The following MUC17 variants were observed in gnomAD, a reference collection of about 807,000 sequenced individuals.
MUC17 encodes the protein mucin 17, cell surface associated.
In MUC17, 190 loss-of-function variants were observed where a neutral mutation model predicts 170.3. The observed-to-expected ratio is 1.12, with a 90% CI of 0.99 to 1.26. The LOEUF (loss-of-function observed/expected upper bound fraction) is 1.26, where lower values mean the gene tolerates loss of function less well. Ranked by LOEUF, MUC17 falls within the 50% of genes most tolerant of loss-of-function variation. MUC17 has a pLI of 0.00. For missense variants in MUC17, 6,415 were observed against 5,530.0 expected (o/e 1.16, Z -5.08); for synonymous variants, 2,325 against 2,002.5 (o/e 1.16, Z -4.30).
rs1289747412 is a variant in MUC17, at chr7:101,048,907, AC to A, written c.12600del (p.Glu4201LysfsTer3). 6.2e-7 allele frequency: 1 copy of A among 1,614,100 alleles called. No homozygotes were observed. Among genetic ancestry groups the A allele is most frequent in the South Asian group, 1.1e-5 (1 of 91,060 alleles). On this transcript the variant is annotated frameshift_variant, in exon 5 of 13. Transcript: ENST00000306151. LOFTEE classifies it high-confidence loss of function. ...LTVTVTSVKF[T>X]EELKNHSSQE... ...TGTGACAGTGACCAGTGTGAAGTTC[AC>A]CGAAGAGCTAAAAAACCACTCTTCC...
At chr7:101,021,695 C>T (rs1794085558) in intron 1 of MUC17, among the ~76,000 whole-genome samples, 1 of 152,188 alleles carries the variant, frequency 6.6e-6, no homozygotes, top group African/African-American at 2.4e-5. Context: ...TTCCTACTCT[C>T]CAGGATTCTG....
At position 101,051,853 on chromosome 7, in the gene MUC17, T is replaced by C; in HGVS notation, c.12994T>C (p.Tyr4332His). ...KEYGDYFVVEYRDQKPYCISP... is the reference protein window; with the variant it reads ...KEYGDYFVVEHRDQKPYCISP... ...ATATGGAGACTACTTCGTAGTGGAG[T>C]ACCGGGACCAGAAGCCATACTGCAT... Residue 4332 changes from tyrosine (Y) to histidine (H), a missense_variant, in exon 9 of 13, where the codon TAC becomes CAC. Coordinates refer to ENST00000306151, the MANE Select transcript of MUC17 (RefSeq NM_001040105.2). 6.2e-7 allele frequency: 1 copy of C among 1,614,086 alleles called. No homozygotes were observed. The highest frequency in any genetic ancestry group is 8.5e-7 in the Non-Finnish European group (1 of 1,179,990).
Position 101,036,176 on chromosome 7 carries a change from G to C in MUC17, c.4760G>C (p.Ser1587Thr), listed in dbSNP as rs777801768. ...CCTGTCAGCACCATGCTGGTGGTCA[G>C]TTCTGAGGCTAACACCCTTTCAACA... is the stretch of plus-strand genomic sequence containing the variant. ...SLPVSTMLVV[S>T]SEANTLSTTP... Residue 1587 changes from serine (S) to threonine (T), a missense_variant, in exon 3 of 13, where the codon AGT (serine) becomes ACT (threonine). Coordinates refer to ENST00000306151, the MANE Select transcript of MUC17 (RefSeq NM_001040105.2). 2.5e-6 allele frequency: 4 copies of C among 1,613,936 alleles called. No homozygotes were observed. The highest frequency in any genetic ancestry group is 1.6e-4 in the Middle Eastern group (1 of 6,062).
Position 101,039,714 on chromosome 7 carries a change from T to A in MUC17, c.8298T>A (p.Ser2766=). The A allele has an allele frequency of 6.2e-7, 1 of 1,613,382 alleles. No individual in the cohort carries two copies. The highest frequency in any genetic ancestry group is 8.5e-7 in the Non-Finnish European group (1 of 1,179,646). The part of the protein sequence containing the change: ...ILVSTLPVAS[S]EASTVSTTAV... ...TCAGCACCCTGCCAGTGGCCAGTTC[T>A]GAGGCTAGCACCGTTTCAACAACTG... is the stretch of plus-strand genomic sequence containing the variant. The change falls in exon 3 of 13, where the codon TCT becomes TCA. Residue 2766 remains serine, a synonymous_variant. Transcript: ENST00000306151.
chr7:101,053,904 T>TAAAAAA (rs1795002648), intron 11 of MUC17, among the ~76,000 whole-genome samples: 1 of 127,904 alleles, frequency 7.8e-6, no homozygotes, highest in Non-Finnish European at 1.7e-5. Flanking sequence ...AGAAAAAAAA[T>TAAAAAA]TTTAAATTAT....
In MUC17 at chr7:101,058,356, T is replaced by C; in HGVS notation, c.*312T>C. 1 of 231,450 alleles carries C rather than the reference T, an allele frequency of 4.3e-6. No homozygotes were observed. 14.3% of individuals were successfully genotyped at this position (231,450 alleles called of 1,614,324 possible). On this transcript the variant is annotated 3_prime_UTR_variant, in exon 13 of 13. Transcript: ENST00000306151. ...CACCCCATTGATCGCCAGGATTGAT[T>C]TGGTTGATCTGGCTGAGCAGGCGGG...
At position 101,040,695 on chromosome 7, in the gene MUC17, C is replaced by G. The variant is rs767280601; in HGVS notation, c.9279C>G (p.Thr3093=). The G allele has an allele frequency of 4.8e-5, 78 of 1,613,176 alleles. No homozygotes were observed. The East Asian group carries it at 1.7e-3, about 36-fold the overall frequency. Residue 3093 remains threonine (T), a synonymous_variant, in exon 3 of 13, where the codon ACC becomes ACG. Transcript: ENST00000306151. ...VSSSPTPAEG[T]SMPISTYSEG... is the part of the protein sequence containing the mutation. ...CATCTCCTACACCTGCTGAAGGTAC[C>G]AGCATGCCAATCTCAACTTATAGTG...
At chr7:101,029,468 G>T (rs376427430) in intron 1 of MUC17, among the ~76,000 whole-genome samples, 95 of 152,248 alleles carry the variant, frequency 6.2e-4, no homozygotes, top group African/African-American at 2.2e-3. Flanking sequence ...TCCATAGGTT[G>T]ATTATTTTTC....
Position 101,031,855 on chromosome 7 carries a change from G to T in MUC17, c.439G>T (p.Val147Leu). The T allele has an allele frequency of 1.2e-6, 2 of 1,614,118 alleles. No homozygotes were observed. The highest frequency in any genetic ancestry group is 8.5e-7 in the Non-Finnish European group (1 of 1,180,008). ...TCCTACAACTCCTGAAGGCACCGAC[G>T]TGCCCATGTCAACACCAAGTGAAGA... is the stretch of plus-strand genomic sequence containing the variant. ...SSPTTPEGTD[V>L]PMSTPSEESI... Residue 147 changes from valine (V) to leucine (L), a missense_variant, in exon 3 of 13, where the codon GTG becomes TTG. Transcript: ENST00000306151.
chr7:101,053,124 C>T lies in MUC17; in HGVS notation c.13242C>T (p.Phe4414=). The T allele has an allele frequency of 6.2e-7, 1 of 1,613,978 alleles. No homozygotes were observed. Among genetic ancestry groups the T allele is most frequent in the Non-Finnish European group, 8.5e-7 (1 of 1,179,962 alleles). The change falls in exon 10 of 13, where the codon TTC becomes TTT. Residue 4414 remains phenylalanine, a synonymous_variant. Transcript: ENST00000306151. ...IILVALLMLV[F]RSKREVKRQK... ...TGGTAGCTCTCCTGATGCTCGTTTT[C>T]CGCTCCAAGAGAGAGGTGAAACGGT...
At position 101,058,663 on chromosome 7, in the gene MUC17, T is replaced by G. The variant is rs1795095884; in HGVS notation, c.*619T>G. On this transcript the variant is annotated 3_prime_UTR_variant, in exon 13 of 13. Transcript: ENST00000306151. ...TGCATGCACTTTACATATCACAAAATGCTCTCATAAGAATTATTGCATACC... is the reference window on the plus strand; with the variant it reads ...TGCATGCACTTTACATATCACAAAAGGCTCTCATAAGAATTATTGCATACC... The G allele has an allele frequency of 6.6e-6, 1 of 152,148 alleles. No individual in the cohort carries two copies. Among genetic ancestry groups the G allele is most frequent in the Non-Finnish European group, 1.5e-5 (1 of 68,036 alleles). The allele number at this position is 152,148 out of a possible 1,614,324, so 9.4% of individuals were successfully genotyped here. A position where few individuals can be genotyped will look rare whatever the true frequency, so the allele number is the denominator to read the frequency against.
chr7:101,031,118 A>G lies in MUC17; in HGVS notation c.83-2A>G, dbSNP rs767459164. The G allele has an allele frequency of 1.2e-4, 190 of 1,608,658 alleles. 2 individuals carry two copies. In the South Asian group the frequency reaches 2.0e-3, roughly 17 times the overall value. On this transcript the variant is annotated splice_acceptor_variant, in intron 1 of 12. Transcript: ENST00000306151. LOFTEE classifies it high-confidence loss of function. ...ATACTAACTCCCCTTTGTCTCTTTC[A>G]GACCTCAGTGTGAACAGGGCTGTGT...
chr7:101,032,879 A>G lies in MUC17; in HGVS notation c.1463A>G (p.Glu488Gly). Reference protein sequence around the residue: ...DSKTQVTTSTEASSSPPTAEV... With the variant: ...DSKTQVTTSTGASSSPPTAEV... ...AAAACTCAGGTGACCACTTCTACTGAAGCCAGTTCATCTCCTCCAACTGCT... is the reference window on the plus strand; with the variant it reads ...AAAACTCAGGTGACCACTTCTACTGGAGCCAGTTCATCTCCTCCAACTGCT... Residue 488 changes from glutamate (E) to glycine (G), a missense_variant, in exon 3 of 13, where the codon GAA (glutamate) becomes GGA (glycine). Physicochemically the swap from Glu to Gly is moderately conservative, Grantham distance 98. Coordinates refer to ENST00000306151, the MANE Select transcript of MUC17 (RefSeq NM_001040105.2). The G allele has an allele frequency of 6.2e-7, 1 of 1,613,892 alleles. No homozygotes were observed.
intron 1 of MUC17, among the ~76,000 whole-genome samples, 187 bp downstream of exon 1, chr7:101,020,404 C>T (rs1794051571): frequency 6.6e-6 from 1 of 152,130 alleles, no homozygotes; most frequent in South Asian, 2.1e-4. Context: ...GGGGGAAGAG[C>T]CAGGGCATTG....
chr7:101,039,562 C>T lies in MUC17; in HGVS notation c.8146C>T (p.Pro2716Ser), dbSNP rs34924040. Residue 2716 changes from proline (P) to serine (S), a missense_variant, in exon 3 of 13, where the codon CCT becomes TCT. Pro to Ser is a moderately conservative substitution (Grantham distance 74). Coordinates refer to ENST00000306151, the MANE Select transcript of MUC17 (RefSeq NM_001040105.2). ...TGAGGCTAGCACCCTTTCAACAACTCCTGTTGACACCAGCACACCTGTCAC... is the reference window on the plus strand; with the variant it reads ...TGAGGCTAGCACCCTTTCAACAACTTCTGTTGACACCAGCACACCTGTCAC... ...NSEASTLSTT[P>S]VDTSTPVTTS... is the part of the protein sequence containing the mutation. 1,207 of 1,386,750 alleles carry T rather than the reference C, an allele frequency of 8.7e-4. 7 individuals are homozygous for T. The highest frequency in any genetic ancestry group is 1.1e-3 in the Non-Finnish European group (1,112 of 1,016,854). The allele number at this position is 1,386,750 out of a possible 1,614,324, so 85.9% of individuals were successfully genotyped here.
At chr7:101,044,792 A>G (rs1464852828) in intron 3 of MUC17, among the ~76,000 whole-genome samples, 1 of 152,176 alleles carries the variant, frequency 6.6e-6, no homozygotes, top group Non-Finnish European at 1.5e-5. Context: ...CTAAAGTACG[A>G]ACTTTTTTTT....
chr7:101,039,940 A>G lies in MUC17; in HGVS notation c.8524A>G (p.Thr2842Ala), dbSNP rs142375066. 2.3e-3 allele frequency: 3,674 copies of G among 1,613,600 alleles called. 30 individuals are homozygous for G. The highest frequency in any genetic ancestry group is 2.7e-3 in the Non-Finnish European group (3,155 of 1,179,822). The change falls in exon 3 of 13, where the codon ACC becomes GCC. Residue 2842 changes from threonine (T) to alanine (A), a missense_variant. By Grantham distance (58) the Thr-to-Ala change is moderately conservative. Coordinates refer to ENST00000306151, the MANE Select transcript of MUC17 (RefSeq NM_001040105.2). ...TTPVDTSTPV[T>A]TSTKASSSPT... ...TCCTGTTGACACCAGCACACCTGTG[A>G]CCACTTCTACTAAAGCCAGTTCATC...
At chr7:101,047,760 G>T (rs1794866788) in intron 3 of MUC17, among the ~76,000 whole-genome samples, 1 of 152,162 alleles carries the variant, frequency 6.6e-6, no homozygotes, top group African/African-American at 2.4e-5. Context: ...GAACCTGGGA[G>T]GTGGAGGTTG....
At chr7:101,049,410 G>A (rs762423406) in intron 6 of MUC17, 28 bp downstream of exon 6, 2 of 1,601,052 alleles carry the variant, frequency 1.2e-6, no homozygotes, top group South Asian at 1.1e-5. Flanking sequence ...TGGGAAGAGG[G>A]TCTGTGGCGT....
Sources: gnomAD v4.1 joint callset for allele counts (sites outside exome capture counted in the v4.1 genomes callset) on GRCh38, gnomAD v4.1.1 for gene constraint, MANE v1.5 for transcripts, NCBI Gene and HGNC (gene_info 2026-07-23, HGNC 2026-07-21) for gene names.